The following CTTNBP2NL variants were observed in gnomAD, a reference collection of about 807,000 sequenced individuals.
CTTNBP2NL encodes the protein CTTNBP2 N-terminal-like protein.
A neutral mutation model predicts 32.5 loss-of-function variants in CTTNBP2NL; 16 were observed. The ratio of observed to expected loss-of-function variants is 0.49; its 90% CI spans 0.33 to 0.75. The LOEUF is 0.75. Ranked by LOEUF, CTTNBP2NL falls within the 30% of genes least tolerant of loss-of-function variation. CTTNBP2NL has a pLI of 0.02. For synonymous variants in CTTNBP2NL, 298 were observed against 289.4 expected (o/e 1.03, Z -0.30); for missense variants, 645 against 756.0 (o/e 0.85, Z 1.72).
chr1:112,453,523 G>A (rs776463511), intron 4 of CTTNBP2NL, among the ~76,000 whole-genome samples: 10 of 152,012 alleles, frequency 6.6e-5, no homozygotes, highest in Admixed American at 2.6e-4. Context: ...AGGCTGAGGC[G>A]GGTGGATCAC....
At chr1:112,393,238 TACTATA>T (rs1325509153), upstream of CTTNBP2NL, among the ~76,000 whole-genome samples, 1 of 152,206 alleles carries the variant, frequency 6.6e-6, no homozygotes, top group Non-Finnish European at 1.5e-5. Flanking sequence ...AGATAGAAAC[TACTATA>T]GTTGATGACA....
intron 3 of CTTNBP2NL, among the ~76,000 whole-genome samples, chr1:112,427,895 CA>C (rs34043965): frequency 5.0e-4 from 67 of 132,872 alleles, no homozygotes; most frequent in African/African-American, 1.5e-3. Context: ...GACTCTGTCT[CA>C]AAAAAAAAAA....
At position 112,456,710 on chromosome 1, in the gene CTTNBP2NL, C is replaced by G; in HGVS notation, c.1218C>G (p.Leu406=). The part of the protein sequence containing the change: ...IETPVPMPSP[L]SSSGSSLSPS... Reference sequence around the variant, plus strand: ...CTCCAGTCCCAATGCCCAGTCCCCTCTCTTCCAGTGGGAGCTCACTGTCTC... The same window carrying G: ...CTCCAGTCCCAATGCCCAGTCCCCTGTCTTCCAGTGGGAGCTCACTGTCTC... The change falls in exon 6 of 6, where the codon CTC becomes CTG. Residue 406 remains leucine, a synonymous_variant. Transcript: ENST00000271277. 2 of 1,614,178 alleles carry G rather than the reference C, an allele frequency of 1.2e-6. No individual in the cohort carries two copies. Among genetic ancestry groups the G allele is most frequent in the African/African-American group, 1.3e-5 (1 of 75,048 alleles).
intron 3 of CTTNBP2NL, among the ~76,000 whole-genome samples, chr1:112,421,629 AAAGG>A (rs889869975): frequency 2.0e-5 from 3 of 151,850 alleles, no homozygotes; most frequent in African/African-American, 7.3e-5. Context: ...AAAAAAAAAA[AAAGG>A]AGAAGAAGAA....
intron 3 of CTTNBP2NL, among the ~76,000 whole-genome samples, chr1:112,435,924 G>T (rs1327958524): frequency 1.3e-5 from 2 of 151,918 alleles, no homozygotes; most frequent in Non-Finnish European, 2.9e-5. Context: ...TTCTTCATCT[G>T]GATACATACA....
rs543328798 is a variant in CTTNBP2NL at position 112,425,302 on chromosome 1, C to A, written c.99+9038C>A. Among the ~76,000 whole-genome samples, 4 of 151,420 alleles carry A rather than the reference C, an allele frequency of 2.6e-5. No homozygotes were observed. In the South Asian group the frequency reaches 8.4e-4, roughly 32 times the overall value. The stretch of plus-strand genomic sequence containing the variant: ...CCTGGTTAACATGGTGAAACCCCGT[C>A]TCTACTAAAAGTACAAAAATTAGCC... On this transcript the variant is annotated intron_variant, in intron 3 of 5. Coordinates refer to ENST00000271277, the MANE Select transcript of CTTNBP2NL (RefSeq NM_018704.3).
chr1:112,453,044 G>A (rs1650268753), intron 4 of CTTNBP2NL, among the ~76,000 whole-genome samples: 1 of 151,808 alleles, frequency 6.6e-6, no homozygotes, highest in Non-Finnish European at 1.5e-5. Context: ...GAGCCTAGGA[G>A]GCAAAGATTG....
intron 3 of CTTNBP2NL, among the ~76,000 whole-genome samples, chr1:112,424,786 G>T (rs2483356): frequency 6.6e-6 from 1 of 151,510 alleles, no homozygotes; most frequent in South Asian, 2.1e-4. Context: ...GATACTGTAA[G>T]TGGTATTGGG....
rs1399582885 is a variant in CTTNBP2NL at position 112,459,462 on chromosome 1, A to G, written c.*2050A>G. On this transcript the variant is annotated 3_prime_UTR_variant, in exon 6 of 6. Transcript: ENST00000271277. The stretch of plus-strand genomic sequence containing the variant: ...TTTAAGTCTATTTCCTTTTAATCTA[A>G]TAAGAGTTGATAGTAAAAAGGCAGG... 1 of 151,708 alleles carries G rather than the reference A, an allele frequency of 6.6e-6. No individual in the cohort carries two copies. Among genetic ancestry groups the G allele is most frequent in the East Asian group, 1.9e-4 (1 of 5,162 alleles). The allele number at this position is 151,708 out of a possible 1,614,324, so 9.4% of individuals were successfully genotyped here.
In CTTNBP2NL at chr1:112,456,565, C is replaced by T. The variant is rs201060552; in HGVS notation, c.1073C>T (p.Thr358Ile). 7.4e-6 allele frequency: 12 copies of T among 1,614,208 alleles called. No individual in the cohort carries two copies. The highest frequency in any genetic ancestry group is 3.3e-4 in the Middle Eastern group (2 of 6,062). Residue 358 changes from threonine to isoleucine, a missense_variant, in exon 6 of 6, where the codon ACT (threonine) becomes ATT (isoleucine). Physicochemically the swap from Thr to Ile is moderately conservative, Grantham distance 89 (BLOSUM62 -1). Coordinates refer to ENST00000271277, the MANE Select transcript of CTTNBP2NL (RefSeq NM_018704.3). ...TNGHCDPEIQ[T>I]TRELTAGNNV... ...GGCCATTGTGACCCAGAGATACAAA[C>T]TACCAGGGAGCTGACTGCAGGCAAC...
At chr1:112,429,501 C>T (rs182472648) in intron 3 of CTTNBP2NL, among the ~76,000 whole-genome samples, 114 of 152,230 alleles carry the variant, frequency 7.5e-4, no homozygotes, top group Non-Finnish European at 1.4e-3. Flanking sequence ...CCAGCCTGGG[C>T]AATATAGCAA....
intron 3 of CTTNBP2NL, among the ~76,000 whole-genome samples, chr1:112,421,417 C>A (rs1649228871): frequency 6.7e-6 from 1 of 149,572 alleles, no homozygotes; most frequent in African/African-American, 2.5e-5. Context: ...TCTCCTGCCT[C>A]AGCCTCCCAA....
chr1:112,437,635 T>G (rs1028310383), intron 3 of CTTNBP2NL, among the ~76,000 whole-genome samples: 2 of 152,194 alleles, frequency 1.3e-5, no homozygotes, highest in African/African-American at 4.8e-5. Context: ...GTGATTCTCC[T>G]GCCTCAGCCT....
chr1:112,456,555 G>A lies in CTTNBP2NL; in HGVS notation c.1063G>A (p.Glu355Lys). Residue 355 changes from glutamate to lysine, a missense_variant, in exon 6 of 6, where the codon GAG (glutamate) becomes AAG (lysine). Coordinates refer to ENST00000271277, the MANE Select transcript of CTTNBP2NL (RefSeq NM_018704.3). ...AAAAACCAATGGCCATTGTGACCCAGAGATACAAACTACCAGGGAGCTGAC... is the reference window on the plus strand; with the variant it reads ...AAAAACCAATGGCCATTGTGACCCAAAGATACAAACTACCAGGGAGCTGAC... ...YAKTNGHCDP[E>K]IQTTRELTAG... The A allele has an allele frequency of 6.2e-7, 1 of 1,614,194 alleles. No homozygotes were observed. The highest frequency in any genetic ancestry group is 8.5e-7 in the Non-Finnish European group (1 of 1,180,042).
intron 1 of CTTNBP2NL, among the ~76,000 whole-genome samples, chr1:112,410,650 A>G (rs1024349336): frequency 6.6e-5 from 10 of 152,192 alleles, no homozygotes; most frequent in Non-Finnish European, 7.4e-5. Flanking sequence ...AGAAATATCT[A>G]TGTCTAAACT....
intron 3 of CTTNBP2NL, among the ~76,000 whole-genome samples, chr1:112,429,184 A>G (rs1649487971): frequency 6.6e-6 from 1 of 152,204 alleles, no homozygotes; most frequent in Admixed American, 6.5e-5. Flanking sequence ...GTAATTTAAC[A>G]TATTATTTTC....
rs1371955276 is a variant in CTTNBP2NL, at chr1:112,456,982, C to A, written c.1490C>A (p.Ala497Asp). 6.8e-6 allele frequency: 11 copies of A among 1,614,126 alleles called. No individual in the cohort carries two copies. The highest frequency in any genetic ancestry group is 9.3e-6 in the Non-Finnish European group (11 of 1,180,032). The change falls in exon 6 of 6, where the codon GCC becomes GAC. Residue 497 changes from alanine (A) to aspartate (D), a missense_variant. Ala to Asp is a moderately radical substitution (Grantham distance 126, BLOSUM62 -2). Transcript: ENST00000271277. The stretch of plus-strand genomic sequence containing the variant: ...CCCACCCTCATAGACAACTCTGCCG[C>A]CAAGCAGCTGGCCCGAAACACAGTC... ...LSPTLIDNSA[A>D]KQLARNTVTQ...
intron 5 of CTTNBP2NL, 27 bp from the exon 6 acceptor site, chr1:112,455,904 A>T (rs1164075445): frequency 2.0e-6 from 3 of 1,537,342 alleles, no homozygotes; most frequent in Non-Finnish European, 1.8e-6. Context: ...GTTTGTCAGT[A>T]TGTCTCTCTT....
intron 3 of CTTNBP2NL, among the ~76,000 whole-genome samples, chr1:112,445,072 C>T (rs1386079990): frequency 6.6e-6 from 1 of 152,174 alleles, no homozygotes; most frequent in Non-Finnish European, 1.5e-5. Context: ...GGGAAGCTGG[C>T]ACTTGTAAGG....
Sources: gnomAD v4.1 joint callset for allele counts (sites outside exome capture counted in the v4.1 genomes callset) on GRCh38, gnomAD v4.1.1 for gene constraint, MANE v1.5 for transcripts, NCBI Gene and HGNC (gene_info 2026-07-23, HGNC 2026-07-21) for gene names.